ADAM18: variants seen among roughly 807,000 people sequenced by gnomAD.
ADAM18 encodes ADAM metallopeptidase domain 18, also known as disintegrin and metalloproteinase domain-containing protein 18.
Under a neutral mutation model 94.4 loss-of-function variants are expected in ADAM18, and 117 were observed. The ratio of observed to expected loss-of-function variants is 1.24; its 90% CI spans 1.07 to 1.45. The LOEUF is 1.45. Ranked by LOEUF, ADAM18 falls within the 40% of genes most tolerant of loss-of-function variation. ADAM18 has a pLI of 0.00. For synonymous variants in ADAM18, 327 were observed against 291.6 expected, an observed-to-expected ratio of 1.12 and a Z score of -1.24; for missense variants, 936 against 880.0, an observed-to-expected ratio of 1.06 and a Z score of -0.81.
At chr8:39,600,473 C>T (rs1818868657) in intron 2 of ADAM18, among the ~76,000 whole-genome samples, 1 of 151,716 alleles carries the variant, frequency 6.6e-6, no homozygotes, top group South Asian at 2.1e-4. Context: ...AGTAATTGTT[C>T]TTTGTGGATT....
rs190643661 is a variant in ADAM18, at chr8:39,691,252, G to A, written c.1822-1348G>A. ...TATCAATTAATGTAATTCACTGCAC[G>A]TATACAACGTATAATGATCATATCT... On this transcript the variant is annotated intron_variant, in intron 16 of 19. Coordinates refer to ENST00000265707, the MANE Select transcript of ADAM18 (RefSeq NM_014237.3). Among the ~76,000 whole-genome samples, 286 of 152,086 alleles carry A rather than the reference G, an allele frequency of 1.9e-3. 1 individual carries two copies. Among genetic ancestry groups the A allele is most frequent in the African/African-American group, 2.0e-3 (85 of 41,510 alleles).
chr8:39,592,756 G>T (rs928506908), intron 2 of ADAM18, among the ~76,000 whole-genome samples: 3 of 152,130 alleles, frequency 2.0e-5, no homozygotes, highest in African/African-American at 4.8e-5. Context: ...GGGTACACTA[G>T]AAGCCCAACC....
intron 10 of ADAM18, among the ~76,000 whole-genome samples, chr8:39,643,570 C>T (rs1820295323): frequency 2.0e-5 from 3 of 152,110 alleles, no homozygotes; most frequent in Non-Finnish European, 4.4e-5. Context: ...AAATGTATTA[C>T]TTCACAGTTC....
chr8:39,675,634 C>T (rs1479558391), intron 14 of ADAM18, among the ~76,000 whole-genome samples: 1 of 152,172 alleles, frequency 6.6e-6, no homozygotes, highest in Non-Finnish European at 1.5e-5. Context: ...GTCAACTCAT[C>T]AAAGTCATTC....
chr8:39,723,913 T>C lies in ADAM18; in HGVS notation c.2177+6T>C, dbSNP rs1007572747. On this transcript the variant is annotated splice_donor_region_variant and intron_variant, in intron 19 of 19. Coordinates refer to ENST00000265707, the MANE Select transcript of ADAM18 (RefSeq NM_014237.3). ...GAGAATGCAGAGTATAATCGGTAAA[T>C]ATGATATAGAATCAATGTATTAGGT... 1 of 1,464,070 alleles carries C rather than the reference T, an allele frequency of 6.8e-7. No individual in the cohort carries two copies. The highest frequency in any genetic ancestry group is 9.2e-7 in the Non-Finnish European group (1 of 1,088,166). 90.7% of individuals were successfully genotyped at this position (1,464,070 alleles called of 1,614,324 possible).
intron 2 of ADAM18, chr8:39,605,691 A>T (rs980309805): frequency 1.8e-5 from 4 of 228,480 alleles, no homozygotes; most frequent in African/African-American, 7.0e-5. Context: ...TTAAAAATGT[A>T]CTTTTCATTT....
Position 39,596,323 on chromosome 8 carries a change from T to C in ADAM18, c.133-9984T>C, listed in dbSNP as rs577321420. ...TCACTGTTCTAAAACTCCTTTGTGC[T>C]CTACCTAATCATCCCTCCCCACCAA... is the stretch of plus-strand genomic sequence containing the variant. On this transcript the variant is annotated intron_variant, in intron 2 of 19. Coordinates refer to ENST00000265707, the MANE Select transcript of ADAM18 (RefSeq NM_014237.3). Among the ~76,000 whole-genome samples the C allele has an allele frequency of 1.4e-3, 219 of 152,338 alleles. 1 individual carries two copies. The highest frequency in any genetic ancestry group is 4.9e-3 in the African/African-American group (203 of 41,582).
intron 12 of ADAM18, among the ~76,000 whole-genome samples, chr8:39,650,525 C>T (rs1363310361): frequency 6.6e-6 from 1 of 152,084 alleles, no homozygotes; most frequent in Non-Finnish European, 1.5e-5. Context: ...AAATCAAGAA[C>T]ACAGTCTCAT....
At chr8:39,677,936 T>C (rs780927078) in intron 15 of ADAM18, among the ~76,000 whole-genome samples, 8 of 152,182 alleles carry the variant, frequency 5.3e-5, no homozygotes, top group Non-Finnish European at 1.0e-4. Context: ...GCTAATTGTG[T>C]CCAAAACATC....
At chr8:39,696,700 G>A (rs1821936276) in intron 17 of ADAM18, among the ~76,000 whole-genome samples, 2 of 151,458 alleles carry the variant, frequency 1.3e-5, no homozygotes, top group African/African-American at 4.8e-5. Flanking sequence ...TAATTTCTGG[G>A]CTCTCTATTC....
rs1822177706 is a variant in ADAM18, at chr8:39,704,401, A to G, written c.1903-2389A>G. On this transcript the variant is annotated intron_variant, in intron 17 of 19. Transcript: ENST00000265707. ...CATCTCCAGGATGCAAGGTTGGTTC[A>G]ACATATGGAAATCAATAGATGTGAT... 2.0e-5 allele frequency among the ~76,000 whole-genome samples: 3 copies of G among 152,184 alleles called. No individual in the cohort carries two copies. In the South Asian group the frequency reaches 6.2e-4, roughly 31 times the overall value.
intron 18 of ADAM18, among the ~76,000 whole-genome samples, chr8:39,711,749 GC>G (rs1822407434): frequency 6.6e-6 from 1 of 151,790 alleles, no homozygotes; most frequent in South Asian, 2.1e-4. Flanking sequence ...TTTGATCAGG[GC>G]CCAAGAGACC....
chr8:39,713,211 C>T (rs761827540), intron 18 of ADAM18, among the ~76,000 whole-genome samples: 40 of 152,152 alleles, frequency 2.6e-4, no homozygotes, highest in Middle Eastern at 3.4e-3. Flanking sequence ...ATTTAATAAA[C>T]GGTGCTGGGA....
chr8:39,611,731 GAA>G (rs57734705), intron 6 of ADAM18, among the ~76,000 whole-genome samples: 76 of 147,878 alleles, frequency 5.1e-4, no homozygotes, highest in African/African-American at 1.9e-3. Context: ...AACATGTGGA[GAA>G]AAAAAAAAGT....
chr8:39,655,673 A>C (rs557626828), intron 12 of ADAM18, among the ~76,000 whole-genome samples: 12 of 152,236 alleles, frequency 7.9e-5, no homozygotes, highest in Admixed American at 2.0e-4. Context: ...AAAATGCATA[A>C]TAGTTGGAAG....
intron 17 of ADAM18, among the ~76,000 whole-genome samples, chr8:39,694,229 AT>A (rs950866636): frequency 3.3e-5 from 5 of 151,232 alleles, no homozygotes; most frequent in African/African-American, 7.3e-5. Context: ...TTTGCAGAAT[AT>A]TTTTTATTAT....
At chr8:39,703,236 G>A (rs1336092075) in intron 17 of ADAM18, among the ~76,000 whole-genome samples, 1 of 152,052 alleles carries the variant, frequency 6.6e-6, no homozygotes, top group Non-Finnish European at 1.5e-5. Flanking sequence ...TATTCTTTTT[G>A]TGGCAATTGT....
At chr8:39,712,230 T>C (rs1295892225) in intron 18 of ADAM18, among the ~76,000 whole-genome samples, 1 of 152,066 alleles carries the variant, frequency 6.6e-6, no homozygotes. Flanking sequence ...AGGCCTTTGA[T>C]AAAATTCAAC....
At chr8:39,634,130 C>T (rs1820009161) in intron 7 of ADAM18, among the ~76,000 whole-genome samples, 1 of 152,120 alleles carries the variant, frequency 6.6e-6, no homozygotes, top group South Asian at 2.1e-4. Flanking sequence ...ATCCTTTCAT[C>T]ACAGCCAGGC....
Sources: gnomAD v4.1 joint callset for allele counts (sites outside exome capture counted in the v4.1 genomes callset) on GRCh38, gnomAD v4.1.1 for gene constraint, MANE v1.5 for transcripts, NCBI Gene and HGNC (gene_info 2026-07-23, HGNC 2026-07-21) for gene names.